PLXNA4: variants seen among roughly 807,000 people sequenced by gnomAD.
PLXNA4 encodes the protein plexin-A4.
Under a neutral mutation model 191.8 loss-of-function variants are expected in PLXNA4, and 44 were observed. The observed-to-expected ratio is 0.23, with a 90% confidence interval of 0.18 to 0.29. PLXNA4 has a LOEUF of 0.29. Among genes scored for constraint, PLXNA4 ranks in the 10% least tolerant of loss-of-function variants. PLXNA4 has a pLI of 1.00. For missense variants in PLXNA4, 1,800 were observed against 2,488.8 expected (o/e 0.72, Z 5.89); for synonymous variants, 1,082 against 1,009.5 (o/e 1.07, Z -1.36).
intron 4 of PLXNA4, among the ~76,000 whole-genome samples, chr7:132,276,351 T>C (rs1417203133): frequency 6.6e-6 from 1 of 152,092 alleles, no homozygotes; most frequent in Non-Finnish European, 1.5e-5. Context: ...CACACACCCA[T>C]TGAGATGGAA....
chr7:132,164,528 C>T (rs966212222), intron 23 of PLXNA4, among the ~76,000 whole-genome samples: 3 of 152,214 alleles, frequency 2.0e-5, no homozygotes, highest in Non-Finnish European at 4.4e-5. Flanking sequence ...TCCTTTCCTA[C>T]TGCCGCCTCT....
intron 18 of PLXNA4, 60 bp downstream of exon 18, chr7:132,181,321 C>A (rs1277668717): frequency 6.2e-7 from 1 of 1,601,634 alleles, no homozygotes; most frequent in East Asian, 2.2e-5. Context: ...ACTTGAACAC[C>A]CCCTTCCATG....
intron 14 of PLXNA4, among the ~76,000 whole-genome samples, chr7:132,192,494 A>G (rs940154948): frequency 6.6e-6 from 1 of 150,858 alleles, no homozygotes; most frequent in Non-Finnish European, 1.5e-5. Context: ...GAAAGGAAGC[A>G]AGGAAGGAAG....
intron 1 of PLXNA4, among the ~76,000 whole-genome samples, chr7:132,546,702 C>T (rs1452477970): frequency 6.6e-6 from 1 of 152,144 alleles, no homozygotes; most frequent in Non-Finnish European, 1.5e-5. Flanking sequence ...TTGTTTTGGG[C>T]TTACAAAACT....
chr7:132,562,120 T>C (rs1801184163), intron 1 of PLXNA4, among the ~76,000 whole-genome samples: 1 of 99,440 alleles, frequency 1.0e-5, no homozygotes, highest in South Asian at 4.5e-4. Context: ...CTTCTCTCCT[T>C]CTCCTCCTCC....
intron 4 of PLXNA4, among the ~76,000 whole-genome samples, chr7:132,251,909 A>G (rs1799264722): frequency 6.6e-6 from 1 of 152,218 alleles, no homozygotes; most frequent in African/African-American, 2.4e-5. Flanking sequence ...GGGAAAAGTT[A>G]TGGTGCTCAA....
In PLXNA4 at chr7:132,442,299, AAGCC is replaced by A. The variant is rs1795726642; in HGVS notation, c.1371+46989_1371+46992del. Among the ~76,000 whole-genome samples the A allele has an allele frequency of 2.0e-5, 3 of 152,286 alleles. No individual in the cohort carries two copies. In the East Asian group the frequency reaches 5.8e-4, roughly 29 times the overall value. On this transcript the variant is annotated intron_variant, in intron 3 of 31. Coordinates refer to ENST00000321063, the MANE Select transcript of PLXNA4 (RefSeq NM_020911.2). ...GGTCCCTGATGCCAAAAGCTGGGAT[AAGCC>A]TGTGGGTTGCATATAAGTTGCGTAT...
At chr7:132,225,976 T>A (rs1798309505) in intron 8 of PLXNA4, among the ~76,000 whole-genome samples, 185 bp downstream of exon 8, 1 of 149,598 alleles carries the variant, frequency 6.7e-6, no homozygotes, top group African/African-American at 2.5e-5. Context: ...GGAGAGGGAG[T>A]GAGGGAGGCC....
chr7:132,132,141 C>T (rs555878452), intron 31 of PLXNA4, among the ~76,000 whole-genome samples: 1 of 152,224 alleles, frequency 6.6e-6, no homozygotes, highest in African/African-American at 2.4e-5. Flanking sequence ...AGACACAGGC[C>T]TCCTCCTACC....
chr7:132,375,903 AG>A (rs1279144703), intron 3 of PLXNA4, among the ~76,000 whole-genome samples: 5 of 152,174 alleles, frequency 3.3e-5, no homozygotes, highest in African/African-American at 1.2e-4. Context: ...AAAGGCAAAT[AG>A]GAGCCAAGGA....
intron 1 of PLXNA4, among the ~76,000 whole-genome samples, chr7:132,512,023 C>G (rs1424481430): frequency 2.0e-5 from 3 of 152,206 alleles, no homozygotes; most frequent in Non-Finnish European, 4.4e-5. Flanking sequence ...TGTGAATTCA[C>G]TCCAGCAGCT....
chr7:132,147,465 C>T (rs1394581286), intron 27 of PLXNA4, among the ~76,000 whole-genome samples: 1 of 152,170 alleles, frequency 6.6e-6, no homozygotes, highest in African/African-American at 2.4e-5. Context: ...ACCCTCTCCT[C>T]ACCACTGCAG....
At chr7:132,160,048 C>G (rs1795902360) in intron 24 of PLXNA4, among the ~76,000 whole-genome samples, 1 of 152,176 alleles carries the variant, frequency 6.6e-6, no homozygotes, top group Admixed American at 6.5e-5. Context: ...CACCCAGACC[C>G]TCGCCCACTT....
chr7:132,407,418 C>G (rs1309369293), intron 3 of PLXNA4, among the ~76,000 whole-genome samples: 3 of 152,212 alleles, frequency 2.0e-5, no homozygotes, highest in Admixed American at 2.0e-4. Flanking sequence ...TGATCCGGCA[C>G]TCTGGATTTC....
rs201799383 is a variant in PLXNA4 at position 132,130,553 on chromosome 7, C to T, written c.5611G>A (p.Asp1871Asn). 207 of 1,614,086 alleles carry T rather than the reference C, an allele frequency of 1.3e-4. No individual in the cohort carries two copies. The highest frequency in any genetic ancestry group is 9.9e-4 in the Middle Eastern group (6 of 6,062). ...SEEILGPLDH[D>N]DQCGKQKLAY... ...AGTTTCTGCTTCCCACACTGGTCAT[C>T]GTGGTCCAGAGGTCCAAGGATCTGC... Residue 1871 changes from aspartate to asparagine, a missense_variant, in exon 32 of 32, where the codon GAT becomes AAT. Physicochemically the swap from Asp to Asn is conservative, Grantham distance 23. Around this residue, in one of 6 missense-constraint regions of PLXNA4, gnomAD observed 83 missense variants for 81.6 expected, o/e 1.02. Coordinates refer to ENST00000321063, the MANE Select transcript of PLXNA4 (RefSeq NM_020911.2).
intron 3 of PLXNA4, among the ~76,000 whole-genome samples, chr7:132,440,451 A>G (rs1795654414): frequency 6.6e-6 from 1 of 152,210 alleles, no homozygotes; most frequent in Non-Finnish European, 1.5e-5. Context: ...AGAGCCTGAC[A>G]GGTAATTTAT....
intron 1 of PLXNA4, among the ~76,000 whole-genome samples, chr7:132,563,232 TCTCCTC>T (rs374844616): frequency 2.0e-5 from 1 of 49,564 alleles, no homozygotes; most frequent in Non-Finnish European, 3.9e-5. Context: ...TCCTCCTCTT[TCTCCTC>T]CTCCTCCTTC....
chr7:132,540,903 A>T (rs1388696131), intron 1 of PLXNA4, among the ~76,000 whole-genome samples: 1 of 151,560 alleles, frequency 6.6e-6, no homozygotes, highest in African/African-American at 2.4e-5. Flanking sequence ...GTTCTTAAAA[A>T]CTTTGTGCTA....
intron 3 of PLXNA4, among the ~76,000 whole-genome samples, chr7:132,427,289 T>C (rs2117175998): frequency 6.6e-6 from 1 of 152,288 alleles, no homozygotes; most frequent in Non-Finnish European, 1.5e-5. Context: ...AGGGCAGGAT[T>C]GGAGTGCAGG....
Sources: gnomAD v4.1 joint callset for allele counts (sites outside exome capture counted in the v4.1 genomes callset) on GRCh38, gnomAD v4.1.1 for gene constraint, gnomAD v4.1.1 regional missense constraint, MANE v1.5 for transcripts, NCBI Gene and HGNC (gene_info 2026-07-23, HGNC 2026-07-21) for gene names.